The following ATP2C1 variants were observed in gnomAD, a reference collection of about 807,000 sequenced individuals.
ATP2C1 encodes the protein calcium-transporting ATPase type 2C member 1.
In ATP2C1, 31 loss-of-function variants were observed where a neutral mutation model predicts 120.5. The observed-to-expected ratio is 0.26, with a 90% confidence interval of 0.19 to 0.35. The LOEUF is 0.35. Ranked by LOEUF, ATP2C1 falls within the 10% of genes least tolerant of loss-of-function variation. ATP2C1 has a pLI of 1.00. For synonymous variants in ATP2C1, 351 were observed against 358.7 expected (o/e 0.98, Z 0.24); for missense variants, 731 against 1,107.5 (o/e 0.66, Z 4.83).
chr3:130,854,525 G>C (rs2067774809), intron 1 of ATP2C1, among the ~76,000 whole-genome samples: 1 of 152,214 alleles, frequency 6.6e-6, no homozygotes, highest in African/African-American at 2.4e-5. Context: ...GTTCCCCTAA[G>C]TACTAGAGAC....
At chr3:130,972,186 G>T (rs969659238) in intron 17 of ATP2C1, among the ~76,000 whole-genome samples, 6 of 152,162 alleles carry the variant, frequency 3.9e-5, no homozygotes, top group Non-Finnish European at 7.4e-5. Flanking sequence ...AGAATCTCAG[G>T]CCCTGGCTGA....
chr3:130,925,834 A>G (rs1203452707), intron 2 of ATP2C1, among the ~76,000 whole-genome samples: 1 of 152,010 alleles, frequency 6.6e-6, no homozygotes, highest in Non-Finnish European at 1.5e-5. Context: ...TTCCCAGTCC[A>G]GTGGAGTTAT....
intron 9 of ATP2C1, 73 bp from the exon 10 acceptor site, chr3:130,954,938 TG>T: frequency 6.0e-6 from 6 of 1,005,048 alleles, no homozygotes; most frequent in Non-Finnish European, 9.5e-6. Context: ...TGAAAGTTGT[TG>T]GATGTGTGTG....
In ATP2C1 at chr3:130,989,916, T is replaced by C. The variant is rs112143748; in HGVS notation, c.1840-3035T>C. Among the ~76,000 whole-genome samples the C allele has an allele frequency of 4.7e-3, 714 of 152,326 alleles. 15 individuals carry two copies. In the South Asian group the frequency reaches 0.058, roughly 12 times the overall value. On this transcript the variant is annotated intron_variant, in intron 20 of 27. Coordinates refer to ENST00000510168, the MANE Select transcript of ATP2C1 (RefSeq NM_001378687.1). The stretch of plus-strand genomic sequence containing the variant: ...TTGGATATATGTGTAACTCAGTCTT[T>C]TTTTTAAAGGCACACTGAAGAGTTT...
intron 8 of ATP2C1, among the ~76,000 whole-genome samples, chr3:130,948,632 C>T (rs1190421503): frequency 1.3e-5 from 2 of 151,898 alleles, no homozygotes; most frequent in Non-Finnish European, 2.9e-5. Flanking sequence ...TTCTTTCTGT[C>T]GCCTTCTCTT....
At position 130,948,985 on chromosome 3, in the gene ATP2C1, T is replaced by C. The variant is rs2060260241; in HGVS notation, c.532-4836T>C. Among the ~76,000 whole-genome samples, 3 of 152,286 alleles carry C rather than the reference T, an allele frequency of 2.0e-5. No individual in the cohort carries two copies. The South Asian group carries it at 6.2e-4, about 32-fold the overall frequency. On this transcript the variant is annotated intron_variant, in intron 8 of 27. Coordinates refer to ENST00000510168, the MANE Select transcript of ATP2C1 (RefSeq NM_001378687.1). ...GTTTTCTACTGCTGCTCTGCCCGAC[T>C]GCTCTTTCCTTCTCCTTGGGCTTTC...
intron 1 of ATP2C1, among the ~76,000 whole-genome samples, chr3:130,886,359 C>G (rs1441982628): frequency 2.6e-5 from 4 of 152,018 alleles, no homozygotes; most frequent in Admixed American, 2.0e-4. Flanking sequence ...TCTTTTAGTA[C>G]TTGAGTGTTG....
At chr3:130,850,992 G>A (rs2067657859) in intron 1 of ATP2C1, 1 of 904,144 alleles carries the variant, frequency 1.1e-6, no homozygotes, top group Non-Finnish European at 1.5e-6. Flanking sequence ...CTTTTACGTC[G>A]CTTAGTGATT....
chr3:130,881,407 G>T (rs1454404324), intron 1 of ATP2C1, among the ~76,000 whole-genome samples: 1 of 150,318 alleles, frequency 6.7e-6, no homozygotes, highest in Non-Finnish European at 1.5e-5. Context: ...CATCCAGGCT[G>T]GAGCGCAGTG....
chr3:130,965,975 C>T (rs1181681260), intron 14 of ATP2C1, among the ~76,000 whole-genome samples: 1 of 152,138 alleles, frequency 6.6e-6, no homozygotes, highest in Non-Finnish European at 1.5e-5. Context: ...AAGTGCACAT[C>T]ACTGTGCAGT....
intron 3 of ATP2C1, among the ~76,000 whole-genome samples, chr3:130,931,786 A>C (rs2059459503): frequency 6.6e-6 from 1 of 152,070 alleles, no homozygotes; most frequent in African/African-American, 2.4e-5. Context: ...ACCACCATTA[A>C]GATAGAACAT....
chr3:130,918,959 T>A, intron 2 of ATP2C1: 1 of 375,294 alleles, frequency 2.7e-6, no homozygotes, highest in South Asian at 2.1e-5. Flanking sequence ...GCCACTGCAC[T>A]CCAGCCTGGG....
intron 12 of ATP2C1, among the ~76,000 whole-genome samples, chr3:130,962,229 A>T (rs1264753451): frequency 6.6e-6 from 1 of 152,078 alleles, no homozygotes; most frequent in Admixed American, 6.6e-5. Flanking sequence ...AGAAAAATTC[A>T]TTGGATTCAT....
intron 6 of ATP2C1, among the ~76,000 whole-genome samples, chr3:130,938,455 C>T (rs775009150): frequency 2.8e-4 from 42 of 152,164 alleles, no homozygotes; most frequent in Non-Finnish European, 4.7e-4. Context: ...CGATTTATTA[C>T]GTGGGTATTT....
At chr3:130,898,030 T>C (rs1006169136) in intron 2 of ATP2C1, among the ~76,000 whole-genome samples, 1 of 152,236 alleles carries the variant, frequency 6.6e-6, no homozygotes, top group African/African-American at 2.4e-5. Context: ...CTAGAAAAGA[T>C]ATGTCTAGCT....
chr3:130,895,041 G>A (rs1447503019), intron 2 of ATP2C1, among the ~76,000 whole-genome samples: 2 of 152,088 alleles, frequency 1.3e-5, no homozygotes, highest in Admixed American at 1.3e-4. Flanking sequence ...GGAATGAGAG[G>A]GAAGTTTTCA....
At chr3:131,011,411 C>T (rs1242092777) in intron 26 of ATP2C1, among the ~76,000 whole-genome samples, 6 of 152,166 alleles carry the variant, frequency 3.9e-5, no homozygotes, top group Non-Finnish European at 8.8e-5. Flanking sequence ...ACTTGAACTG[C>T]TAATTGAAGA....
At chr3:130,940,933 T>TTTTTTTTA (rs1384737363) in intron 7 of ATP2C1, among the ~76,000 whole-genome samples, 1 of 144,176 alleles carries the variant, frequency 6.9e-6, no homozygotes, top group Non-Finnish European at 1.5e-5. Flanking sequence ...TTTTTTTTTT[T>TTTTTTTTA]AGATGGAGTC....
chr3:130,980,349 A>C (rs1429376057), intron 19 of ATP2C1, among the ~76,000 whole-genome samples: 3 of 151,762 alleles, frequency 2.0e-5, no homozygotes, highest in Non-Finnish European at 4.4e-5. Flanking sequence ...AAGTGCAGAG[A>C]TTACAAGCCT....
Sources: gnomAD v4.1 joint callset for allele counts (sites outside exome capture counted in the v4.1 genomes callset) on GRCh38, gnomAD v4.1.1 for gene constraint, MANE v1.5 for transcripts, NCBI Gene and HGNC (gene_info 2026-07-23, HGNC 2026-07-21) for gene names.